SPTBN4: variants seen among roughly 807,000 people sequenced by gnomAD.
The protein encoded by SPTBN4 is spectrin beta chain, non-erythrocytic 4.
SPTBN4 carries 96 observed loss-of-function variants against 277.8 expected under a neutral mutation model. That is an observed-to-expected ratio of 0.35 (90% CI 0.29 to 0.41). SPTBN4 has a LOEUF of 0.41. SPTBN4 is among the 10% of genes least tolerant of loss of function. The probability of loss-of-function intolerance (pLI) is 1.00; values close to 1 mark genes in which losing one functional copy is unlikely to be tolerated. For missense variants in SPTBN4, 3,006 were observed against 3,595.7 expected (o/e 0.84, Z 4.19); for synonymous variants, 1,481 against 1,580.3 (o/e 0.94, Z 1.49).
At chr19:40,499,534 C>T (rs1485386607) in intron 7 of SPTBN4, among the ~76,000 whole-genome samples, 1 of 151,748 alleles carries the variant, frequency 6.6e-6, no homozygotes, top group Non-Finnish European at 1.5e-5. Context: ...GGGCTATAGG[C>T]GTGCACGACC....
Position 40,523,484 on chromosome 19 carries a change from G to T in SPTBN4, c.3702G>T (p.Val1234=), listed in dbSNP as rs2080552992. 1.9e-6 allele frequency: 3 copies of T among 1,613,394 alleles called. No individual in the cohort carries two copies. In the East Asian group the frequency reaches 6.7e-5, roughly 36 times the overall value. The change falls in exon 17 of 36, where the codon GTG becomes GTT. Residue 1234 remains valine, a synonymous_variant. Coordinates refer to ENST00000598249, the MANE Select transcript of SPTBN4 (RefSeq NM_020971.3). The stretch of plus-strand genomic sequence containing the variant: ...AGCTCCCGGGCACAGTGGAATCGGT[G>T]GAGGAGGCCTTGAAACAGCACCGTG... The part of the protein sequence containing the change: ...GAELPGTVES[V]EEALKQHRDF...
At chr19:40,484,801 A>G (rs991002098) in intron 2 of SPTBN4, among the ~76,000 whole-genome samples, 2 of 151,860 alleles carry the variant, frequency 1.3e-5, no homozygotes, top group African/African-American at 2.4e-5. Context: ...GCGTGGTGGC[A>G]GGTACCTGTA....
chr19:40,554,429 C>G lies in SPTBN4; in HGVS notation c.4953+4C>G. ...GATGAGTGAGGACAAGGGCAAGGTGCGCCCGAGCTGGGGGTGCGGAGGGCC... is the reference window on the plus strand; with the variant it reads ...GATGAGTGAGGACAAGGGCAAGGTGGGCCCGAGCTGGGGGTGCGGAGGGCC... On this transcript the variant is annotated splice_donor_region_variant and intron_variant, in intron 23 of 35. Transcript: ENST00000598249. This position sits in a 1 kb window ranked among gnomAD's most constrained non-coding sequence, Gnocchi z 5.7. 2 of 1,550,704 alleles carry G rather than the reference C, an allele frequency of 1.3e-6. No homozygotes were observed. The highest frequency in any genetic ancestry group is 1.2e-5 in the South Asian group (1 of 84,400).
Position 40,504,130 on chromosome 19 carries a change from C to T in SPTBN4, c.1663C>T (p.Gln555Ter). 1.1e-6 allele frequency: 1 copy of T among 919,298 alleles called. No homozygotes were observed. The highest frequency in any genetic ancestry group is 1.5e-6 in the Non-Finnish European group (1 of 687,390). 56.9% of individuals were successfully genotyped at this position (919,298 alleles called of 1,614,324 possible). ...VYMVDWMEEM[Q>*]AQLLSRECGQ... Reference sequence around the variant, plus strand: ...CATGGTGGACTGGATGGAGGAGATGCAGGTGCCGGCGGGGGGGCGGGGATG... The same window carrying T: ...CATGGTGGACTGGATGGAGGAGATGTAGGTGCCGGCGGGGGGGCGGGGATG... The change falls in exon 12 of 36, where the codon CAG becomes TAG. Residue 555 changes from glutamine (Q) to a stop codon, truncating the protein, a stop_gained and splice_region_variant. Coordinates refer to ENST00000598249, the MANE Select transcript of SPTBN4 (RefSeq NM_020971.3). LOFTEE classifies it high-confidence loss of function.
chr19:40,558,900 G>A lies in SPTBN4; in HGVS notation c.5671-1259G>A, dbSNP rs528276679. ...TGGGATTACAGGCATGAGCTACTAT[G>A]CCCAGCTGGCAATTATTATTATTAT... On this transcript the variant is annotated intron_variant, in intron 26 of 35. Transcript: ENST00000598249. 2.2e-5 allele frequency among the ~76,000 whole-genome samples: 3 copies of A among 138,210 alleles called. No individual in the cohort carries two copies. In the East Asian group the frequency reaches 6.5e-4, roughly 30 times the overall value. 90.7% of individuals were successfully genotyped at this position (138,210 alleles called of 152,430 possible).
At chr19:40,569,609 G>A (rs1336086733) in intron 31 of SPTBN4, 48 bp from the exon 32 acceptor site, 13 of 1,599,830 alleles carry the variant, frequency 8.1e-6, no homozygotes, top group Non-Finnish European at 1.1e-5. Context: ...AGGTCCATGG[G>A]AGAAGGAACC....
chr19:40,549,161 C>T, intron 20 of SPTBN4, 28 bp from the exon 21 acceptor site: 2 of 1,514,052 alleles, frequency 1.3e-6, no homozygotes, highest in Middle Eastern at 2.0e-4. Flanking sequence ...GCGGGTGGGG[C>T]CCATTGACCC....
chr19:40,567,664 T>G lies in SPTBN4; in HGVS notation c.6338T>G (p.Ile2113Ser). Residue 2113 changes from isoleucine to serine, a missense_variant and splice_region_variant, in exon 31 of 36, where the codon ATC becomes AGC. Ile to Ser is a moderately radical substitution (Grantham distance 142, BLOSUM62 -2). Around this residue, in one of 5 missense-constraint regions of SPTBN4, gnomAD observed 630 missense variants for 677.6 expected, o/e 0.93. Transcript: ENST00000598249. ...TAACCCTGGTCCCTCCATCCTCAGA[T>G]CGAGAAAATCAAAGCGGAACAGAGC... ...RFSSLRRLTT[I>S]EKIKAEQSKQ... 7.0e-7 allele frequency: 1 copy of G among 1,429,956 alleles called. No individual in the cohort carries two copies. Among genetic ancestry groups the G allele is most frequent in the Non-Finnish European group, 9.3e-7 (1 of 1,078,754 alleles). 88.6% of individuals were successfully genotyped at this position (1,429,956 alleles called of 1,614,324 possible).
chr19:40,513,842 TTC>T (rs2080423824), intron 14 of SPTBN4, among the ~76,000 whole-genome samples: 2 of 152,102 alleles, frequency 1.3e-5, no homozygotes, highest in South Asian at 4.2e-4. Flanking sequence ...AGAGGAAGCA[TTC>T]CCCCAGCATT....
intron 17 of SPTBN4, chr19:40,524,755 C>G (rs1599764494): frequency 2.6e-6 from 1 of 379,170 alleles, no homozygotes; most frequent in East Asian, 7.5e-5. Context: ...CTGCATGTCT[C>G]TGTGTCTCTC....
intron 1 of SPTBN4, among the ~76,000 whole-genome samples, chr19:40,470,476 T>G (rs2079872186): frequency 6.6e-6 from 1 of 151,732 alleles, no homozygotes; most frequent in Non-Finnish European, 1.5e-5. Context: ...CCAGCTCATT[T>G]TTGTATTTTT....
At chr19:40,484,678 A>T (rs761006068) in intron 2 of SPTBN4, among the ~76,000 whole-genome samples, 53 of 152,116 alleles carry the variant, frequency 3.5e-4, no homozygotes, top group African/African-American at 1.2e-3. Flanking sequence ...CTGTAATCCT[A>T]GCACTTTGGG....
chr19:40,509,353 C>T (rs1007696373), intron 13 of SPTBN4, among the ~76,000 whole-genome samples: 9 of 152,130 alleles, frequency 5.9e-5, no homozygotes, highest in Non-Finnish European at 8.8e-5. Flanking sequence ...TCAAGCGATT[C>T]TTCTGCCTCA....
chr19:40,525,745 T>G (rs2080583459), intron 17 of SPTBN4, among the ~76,000 whole-genome samples: 1 of 152,134 alleles, frequency 6.6e-6, no homozygotes, highest in African/African-American at 2.4e-5. Flanking sequence ...AGCTCGAACG[T>G]TATCTGACAA....
chr19:40,557,537 A>G (rs1183410334), intron 26 of SPTBN4, 134 bp downstream of exon 26: 1 of 1,036,962 alleles, frequency 9.6e-7, no homozygotes, highest in East Asian at 2.8e-5. Context: ...ACAGAACAGG[A>G]AGAAATTAGA....
intron 15 of SPTBN4, among the ~76,000 whole-genome samples, chr19:40,518,139 C>T (rs1041536091): frequency 2.6e-5 from 4 of 152,040 alleles, no homozygotes; most frequent in African/African-American, 9.7e-5. Flanking sequence ...AACCCCATCT[C>T]TATTAAAAAT....
intron 16 of SPTBN4, 67 bp downstream of exon 16, chr19:40,520,218 G>T: frequency 7.6e-7 from 1 of 1,310,262 alleles, no homozygotes; most frequent in Non-Finnish European, 9.7e-7. Flanking sequence ...GCAGGGACAG[G>T]GACATGCGGG....
chr19:40,546,274 A>C (rs1463837212), intron 20 of SPTBN4, among the ~76,000 whole-genome samples: 2 of 151,746 alleles, frequency 1.3e-5, no homozygotes, highest in Non-Finnish European at 1.5e-5. Context: ...AAGAAAAGGA[A>C]GTCTTGTTTT....
chr19:40,530,406 C>T (rs138523829), intron 18 of SPTBN4: 11,278 of 720,728 alleles, frequency 0.016, 153 homozygotes, highest in African/African-American at 0.056. Flanking sequence ...CGCAAAGAGG[C>T]GGGCAGGGAG....
Sources: gnomAD v4.1 joint callset for allele counts (sites outside exome capture counted in the v4.1 genomes callset) on GRCh38, gnomAD v4.1.1 for gene constraint, gnomAD v4.1.1 regional missense constraint, Gnocchi (gnomAD v3.1) non-coding constraint, MANE v1.5 for transcripts, NCBI Gene and HGNC (gene_info 2026-07-23, HGNC 2026-07-21) for gene names.